Variants in SIPA1L1 observed in about 807,000 individuals in gnomAD.
SIPA1L1 encodes the protein signal-induced proliferation-associated 1-like protein 1.
Under a neutral mutation model 162.7 loss-of-function variants are expected in SIPA1L1, and 26 were observed. The observed-to-expected ratio is 0.16, with a 90% CI of 0.12 to 0.22. The LOEUF (loss-of-function observed/expected upper bound fraction) is 0.22, where lower values mean the gene tolerates loss of function less well. Ranked by LOEUF, SIPA1L1 falls within the 10% of genes least tolerant of loss-of-function variation. The pLI, the probability that SIPA1L1 is intolerant of heterozygous loss-of-function variation, is 1.00. For synonymous variants in SIPA1L1, 829 were observed against 837.4 expected, an observed-to-expected ratio of 0.99 and a Z score of 0.17; for missense variants, 1,874 against 2,241.0, an observed-to-expected ratio of 0.84 and a Z score of 3.31.
intron 2 of SIPA1L1, among the ~76,000 whole-genome samples, chr14:71,375,701 T>G (rs528310875): frequency 1.3e-5 from 2 of 152,160 alleles, no homozygotes; most frequent in African/African-American, 4.8e-5. Flanking sequence ...TATATTGGTT[T>G]TAGCTTTTTG....
chr14:71,322,940 G>A (rs1432654277), intron 2 of SIPA1L1, among the ~76,000 whole-genome samples: 1 of 152,222 alleles, frequency 6.6e-6, no homozygotes, highest in Non-Finnish European at 1.5e-5. Flanking sequence ...GTATCAGTCA[G>A]TGATAGTTGT....
At chr14:71,400,389 A>G (rs1255026321) in intron 2 of SIPA1L1, among the ~76,000 whole-genome samples, 1 of 152,220 alleles carries the variant, frequency 6.6e-6, no homozygotes, top group Non-Finnish European at 1.5e-5. Context: ...CTATTTTGGC[A>G]TCATTACATA....
chr14:71,541,521 G>A (rs2054381788), intron 4 of SIPA1L1, among the ~76,000 whole-genome samples: 1 of 152,188 alleles, frequency 6.6e-6, no homozygotes, highest in East Asian at 1.9e-4. Flanking sequence ...CAGCACTTTG[G>A]GAGGCCAAGG....
intron 4 of SIPA1L1, among the ~76,000 whole-genome samples, chr14:71,535,171 C>T (rs943241115): frequency 7.9e-5 from 12 of 152,160 alleles, no homozygotes; most frequent in African/African-American, 4.8e-5. Flanking sequence ...CCTATGCCAA[C>T]AATTAATAAG....
chr14:71,689,238 G>A lies in SIPA1L1; in HGVS notation c.3374+3607G>A, dbSNP rs192883466. Among the ~76,000 whole-genome samples, 25 of 152,288 alleles carry A rather than the reference G, an allele frequency of 1.6e-4. 1 individual carries two copies. The East Asian group carries it at 4.8e-3, about 29-fold the overall frequency. ...TGATGTTCTTTATACATAGTTAAGA[G>A]AAACTGACACAGTAAGAATTGATAA... On this transcript the variant is annotated intron_variant, in intron 13 of 23. Coordinates refer to ENST00000381232, the MANE Select transcript of SIPA1L1 (RefSeq NM_001386936.1).
chr14:71,585,385 T>C (rs966829412), intron 4 of SIPA1L1, among the ~76,000 whole-genome samples: 1 of 152,184 alleles, frequency 6.6e-6, no homozygotes, highest in Non-Finnish European at 1.5e-5. Flanking sequence ...TTGAAATTTC[T>C]TTTGAATTGG....
intron 2 of SIPA1L1, among the ~76,000 whole-genome samples, chr14:71,465,471 A>G (rs2046923509): frequency 6.6e-6 from 1 of 152,168 alleles, no homozygotes; most frequent in African/African-American, 2.4e-5. Flanking sequence ...CACATATGGT[A>G]TTATGTAGTC....
At chr14:71,446,187 A>T (rs1356607262) in intron 2 of SIPA1L1, among the ~76,000 whole-genome samples, 2 of 152,136 alleles carry the variant, frequency 1.3e-5, no homozygotes, top group Non-Finnish European at 2.9e-5. Context: ...GTTTTTTGCC[A>T]ACTAAGTAAG....
rs767324210 is a variant in SIPA1L1 at position 71,658,348 on chromosome 14, C to A, written c.2009C>A (p.Thr670Asn). 4.4e-6 allele frequency: 7 copies of A among 1,601,896 alleles called. No individual in the cohort carries two copies. The highest frequency in any genetic ancestry group is 5.1e-6 in the Non-Finnish European group (6 of 1,169,046). Residue 670 changes from threonine (T) to asparagine (N), a missense_variant, in exon 9 of 24, where the codon ACC becomes AAC. Around this residue, in one of 5 missense-constraint regions of SIPA1L1, gnomAD observed 685 missense variants for 828.0 expected, o/e 0.83. Transcript: ENST00000381232. ...TTAACTGTAGCTGACTCCACTGGAA[C>A]CCATTCTCTGTACACAACATACAAA... ...QLDTKTDSTGTHSLYTTYKDY... is the reference protein window; with the variant it reads ...QLDTKTDSTGNHSLYTTYKDY...
rs1185159684 is a variant in SIPA1L1 at position 71,685,497 on chromosome 14, A to C, written c.3240A>C (p.Gln1080His). ...RNASKGPHSP[Q>H]VPSQVQSPMT... ...CCAGCAAGGGGCCTCATTCACCTCA[A>C]GTCCCGTCCCAGGTGCAGAGTCCCA... The change falls in exon 13 of 24, where the codon CAA (glutamine) becomes CAC (histidine). Residue 1080 changes from glutamine (Q) to histidine (H), a missense_variant. By Grantham distance (24) the Gln-to-His change is conservative (BLOSUM62 0). Transcript: ENST00000381232. 6.2e-7 allele frequency: 1 copy of C among 1,614,096 alleles called. No individual in the cohort carries two copies. The highest frequency in any genetic ancestry group is 8.5e-7 in the Non-Finnish European group (1 of 1,180,046).
chr14:71,588,782 G>T lies in SIPA1L1; in HGVS notation c.910G>T (p.Gly304Cys). 6.2e-7 allele frequency: 1 copy of T among 1,614,092 alleles called. No individual in the cohort carries two copies. The highest frequency in any genetic ancestry group is 8.5e-7 in the Non-Finnish European group (1 of 1,179,984). ...TTTTCGTAAATTGCGCAATGCCAAAGGTGAAGAACTTGGGAAGTCATCAGA... is the reference window on the plus strand; with the variant it reads ...TTTTCGTAAATTGCGCAATGCCAAATGTGAAGAACTTGGGAAGTCATCAGA... ...SIFRKLRNAK[G>C]EELGKSSDLE... The change falls in exon 5 of 24, where the codon GGT becomes TGT. Residue 304 changes from glycine to cysteine, a missense_variant. Coordinates refer to ENST00000381232, the MANE Select transcript of SIPA1L1 (RefSeq NM_001386936.1). This position sits in a 1 kb window ranked among gnomAD's most constrained non-coding sequence, Gnocchi z 4.3.
intron 6 of SIPA1L1, among the ~76,000 whole-genome samples, chr14:71,623,774 G>A (rs552257895): frequency 6.6e-6 from 1 of 152,230 alleles, no homozygotes; most frequent in Non-Finnish European, 1.5e-5. Flanking sequence ...TCTCTTTAAG[G>A]AAATGTTATT....
chr14:71,561,117 CTTGAAGATTCA>C (rs2056754551), intron 4 of SIPA1L1, among the ~76,000 whole-genome samples: 1 of 152,072 alleles, frequency 6.6e-6, no homozygotes, highest in African/African-American at 2.4e-5. Context: ...ATTAAAATGG[CTTGAAGATTCA>C]TTTTCAAAAA....
intron 4 of SIPA1L1, among the ~76,000 whole-genome samples, chr14:71,544,737 T>G (rs1432604267): frequency 6.6e-6 from 1 of 152,130 alleles, no homozygotes; most frequent in Non-Finnish European, 1.5e-5. Flanking sequence ...TGAGCTGAGT[T>G]AGTTCTTGGT....
At chr14:71,597,012 C>T (rs2036118276) in intron 5 of SIPA1L1, among the ~76,000 whole-genome samples, 1 of 152,140 alleles carries the variant, frequency 6.6e-6, no homozygotes, top group Non-Finnish European at 1.5e-5. Flanking sequence ...TCCACTGTCA[C>T]AGGCTGGAGT....
intron 13 of SIPA1L1, among the ~76,000 whole-genome samples, chr14:71,689,326 T>G (rs1469495686): frequency 2.0e-5 from 3 of 152,222 alleles, no homozygotes; most frequent in African/African-American, 7.2e-5. Context: ...ATGAGTTTTA[T>G]GCTCTCCAGG....
At chr14:71,657,804 T>C (rs140295769) in intron 8 of SIPA1L1, among the ~76,000 whole-genome samples, 209 of 152,302 alleles carry the variant, frequency 1.4e-3, no homozygotes, top group Non-Finnish European at 2.5e-3. Flanking sequence ...AGATTTTCTT[T>C]ATTTTCACTG....
intron 16 of SIPA1L1, among the ~76,000 whole-genome samples, chr14:71,708,015 G>GTTTTTTTTTTTTTTTTTTTTTTTTT (rs34838057): frequency 2.0e-5 from 2 of 100,302 alleles, no homozygotes; most frequent in Non-Finnish European, 3.9e-5. Context: ...GTTTTTTGGT[G>GTTTTTTTTTTTTTTTTTTTTTTTTT]TTTTTTTTTT....
intron 5 of SIPA1L1, among the ~76,000 whole-genome samples, chr14:71,592,879 C>T (rs1567268336): frequency 1.3e-5 from 2 of 152,116 alleles, no homozygotes; most frequent in Non-Finnish European, 2.9e-5. Context: ...AGCAACATGC[C>T]ATTGATGCTT....
Sources: allele counts gnomAD v4.1 joint callset (sites outside exome capture counted in the v4.1 genomes callset), GRCh38; gene constraint gnomAD v4.1.1; regional missense constraint gnomAD v4.1.1; non-coding constraint Gnocchi (gnomAD v3.1); transcripts MANE v1.5; gene names NCBI Gene and HGNC (gene_info 2026-07-23, HGNC 2026-07-21).